The following TTC28 variants were observed in gnomAD, a reference collection of about 807,000 sequenced individuals.
The protein encoded by TTC28 is tetratricopeptide repeat protein 28.
TTC28 carries 61 observed loss-of-function variants against 198.0 expected under a neutral mutation model. That is an observed-to-expected ratio of 0.31 (90% CI 0.25 to 0.38). The LOEUF is 0.38. TTC28 is among the 10% of genes least tolerant of loss of function. The probability of loss-of-function intolerance (pLI) is 1.00; values close to 1 mark genes in which losing one functional copy is unlikely to be tolerated. For missense variants in TTC28, 2,678 were observed against 3,164.0 expected (o/e 0.85, Z 3.69); for synonymous variants, 1,171 against 1,297.8 (o/e 0.90, Z 2.10).
intron 2 of TTC28, among the ~76,000 whole-genome samples, chr22:28,458,550 T>C (rs1568956544): frequency 6.6e-6 from 1 of 152,192 alleles, no homozygotes; most frequent in Non-Finnish European, 1.5e-5. Context: ...AGGCCTAATC[T>C]TTTTTAAAAT....
At position 28,633,685 on chromosome 22, in the gene TTC28, C is replaced by G. The variant is rs564101542; in HGVS notation, c.103-3855G>C. Among the ~76,000 whole-genome samples, 12 of 152,210 alleles carry G rather than the reference C, an allele frequency of 7.9e-5. 1 individual carries two copies. The East Asian group carries it at 2.1e-3, about 27-fold the overall frequency. The stretch of plus-strand genomic sequence containing the variant: ...GTTCAATGCCAACACAGATAAGAAT[C>G]AAATTAAGAAGAGAAATCATCTTCA... On this transcript the variant is annotated intron_variant, in intron 1 of 22. Coordinates refer to ENST00000397906, the MANE Select transcript of TTC28 (RefSeq NM_001145418.2).
intron 2 of TTC28, among the ~76,000 whole-genome samples, chr22:28,452,120 T>C (rs2146256503): frequency 6.6e-6 from 1 of 152,232 alleles, no homozygotes; most frequent in South Asian, 2.1e-4. Flanking sequence ...CCAGGCGCGA[T>C]GGCTCACGCC....
At chr22:28,080,225 C>T (rs1037326481) in intron 12 of TTC28, among the ~76,000 whole-genome samples, 3 of 152,118 alleles carry the variant, frequency 2.0e-5, no homozygotes, top group Non-Finnish European at 4.4e-5. Flanking sequence ...GGGATTGTTG[C>T]ATTGTACACT....
chr22:28,457,298 A>C (rs999852658), intron 2 of TTC28, among the ~76,000 whole-genome samples: 4 of 152,228 alleles, frequency 2.6e-5, no homozygotes, highest in African/African-American at 9.6e-5. Flanking sequence ...TGTTTAAAAA[A>C]CATCAACAAC....
chr22:28,477,129 C>T (rs1271646960), intron 2 of TTC28, among the ~76,000 whole-genome samples: 1 of 152,136 alleles, frequency 6.6e-6, no homozygotes, highest in Non-Finnish European at 1.5e-5. Context: ...GAGCAGCTGA[C>T]TACAAAGGGA....
At chr22:28,504,660 C>T (rs1011806506) in intron 2 of TTC28, among the ~76,000 whole-genome samples, 8 of 152,100 alleles carry the variant, frequency 5.3e-5, no homozygotes, top group Admixed American at 3.9e-4. Context: ...CAGTCTTTTG[C>T]CAACATAACA....
chr22:28,660,225 T>G (rs1399805881), intron 1 of TTC28, among the ~76,000 whole-genome samples: 2 of 152,234 alleles, frequency 1.3e-5, no homozygotes, highest in Admixed American at 6.5e-5. Context: ...CTCTTTAACT[T>G]TTATTTGTAC....
intron 2 of TTC28, among the ~76,000 whole-genome samples, chr22:28,463,005 A>T (rs1243828276): frequency 1.3e-5 from 2 of 152,238 alleles, no homozygotes; most frequent in Non-Finnish European, 2.9e-5. Context: ...CCATAATTTG[A>T]TACAGCAAAG....
At chr22:28,387,753 CAG>C (rs1215791936) in intron 2 of TTC28, among the ~76,000 whole-genome samples, 2 of 152,130 alleles carry the variant, frequency 1.3e-5, no homozygotes, top group Non-Finnish European at 2.9e-5. Flanking sequence ...AGCCCTTTGT[CAG>C]ATGAGTAGGT....
At chr22:28,514,379 T>C (rs897811109) in intron 2 of TTC28, among the ~76,000 whole-genome samples, 2 of 152,214 alleles carry the variant, frequency 1.3e-5, no homozygotes, top group African/African-American at 4.8e-5. Context: ...ATTAATCATT[T>C]CCATCTGCTG....
intron 5 of TTC28, among the ~76,000 whole-genome samples, chr22:28,284,660 A>G (rs551434489): frequency 6.6e-6 from 1 of 152,228 alleles, no homozygotes; most frequent in African/African-American, 2.4e-5. Flanking sequence ...AAATAAATAA[A>G]AATAACCCAA....
At chr22:28,231,421 T>C (rs1013169395) in intron 5 of TTC28, among the ~76,000 whole-genome samples, 1 of 152,244 alleles carries the variant, frequency 6.6e-6, no homozygotes, top group Non-Finnish European at 1.5e-5. Flanking sequence ...GGATTGAGCC[T>C]GGAGTCCTAT....
intron 2 of TTC28, among the ~76,000 whole-genome samples, chr22:28,591,034 CACACACATATATATATATATAT>C (rs1168845346): frequency 0.015 from 731 of 48,008 alleles, 2 homozygotes; most frequent in African/African-American, 0.022. Context: ...CACACACACA[CACACACATATATATATATATAT>C]ATATATATAT....
At chr22:28,596,800 G>A (rs1263715103) in intron 2 of TTC28, among the ~76,000 whole-genome samples, 4 of 152,188 alleles carry the variant, frequency 2.6e-5, no homozygotes, top group Non-Finnish European at 4.4e-5. Context: ...CATGATGAGT[G>A]CCAGACAGAC....
intron 2 of TTC28, among the ~76,000 whole-genome samples, chr22:28,546,522 T>C (rs1013171784): frequency 6.6e-6 from 1 of 152,222 alleles, no homozygotes; most frequent in Non-Finnish European, 1.5e-5. Context: ...TGAAACTCTA[T>C]ATTGTTGGTG....
chr22:28,286,109 C>T (rs2044681820), intron 5 of TTC28, among the ~76,000 whole-genome samples: 1 of 151,926 alleles, frequency 6.6e-6, no homozygotes, highest in East Asian at 1.9e-4. Flanking sequence ...ACGCCATTCT[C>T]CTGCCTCAGC....
At chr22:28,115,837 C>A (rs1026000040) in intron 6 of TTC28, among the ~76,000 whole-genome samples, 11 of 152,166 alleles carry the variant, frequency 7.2e-5, no homozygotes, top group African/African-American at 2.4e-4. Context: ...ACTTCTGTTC[C>A]AGATCCCAAT....
chr22:28,325,433 T>C (rs567466798), intron 2 of TTC28, among the ~76,000 whole-genome samples: 1 of 152,238 alleles, frequency 6.6e-6, no homozygotes, highest in South Asian at 2.1e-4. Flanking sequence ...TCACACTAAA[T>C]GAAAATTTTT....
At chr22:28,024,211 C>T (rs562961123) in intron 13 of TTC28, among the ~76,000 whole-genome samples, 20 of 152,214 alleles carry the variant, frequency 1.3e-4, no homozygotes, top group African/African-American at 3.9e-4. Context: ...GCTCCCTACC[C>T]GCAGATAAAG....
Sources: gnomAD v4.1 joint callset for allele counts (sites outside exome capture counted in the v4.1 genomes callset) on GRCh38, gnomAD v4.1.1 for gene constraint, MANE v1.5 for transcripts, NCBI Gene and HGNC (gene_info 2026-07-23, HGNC 2026-07-21) for gene names.